XIRP2: variants seen among roughly 807,000 people sequenced by gnomAD.
XIRP2 encodes the protein xin actin binding repeat containing 2.
XIRP2 carries 236 observed loss-of-function variants against 277.0 expected under a neutral mutation model. The ratio of observed to expected loss-of-function variants is 0.85; its 90% confidence interval spans 0.77 to 0.95. The LOEUF is 0.95. Ranked by LOEUF, XIRP2 falls within the 40% of genes least tolerant of loss-of-function variation. The pLI, the probability that XIRP2 is intolerant of heterozygous loss-of-function variation, is 0.00. For missense variants in XIRP2, 4,640 were observed against 4,157.5 expected (o/e 1.12, Z -3.19); for synonymous variants, 1,490 against 1,416.5 (o/e 1.05, Z -1.17).
intron 2 of XIRP2, among the ~76,000 whole-genome samples, chr2:167,089,091 C>A (rs949880638): frequency 4.6e-5 from 7 of 152,230 alleles, no homozygotes; most frequent in Non-Finnish European, 8.8e-5. Flanking sequence ...ACTTAGTACA[C>A]CAGCAGTGTA....
chr2:167,080,070 A>G (rs1689688536), intron 2 of XIRP2, among the ~76,000 whole-genome samples: 1 of 152,126 alleles, frequency 6.6e-6, no homozygotes, highest in East Asian at 1.9e-4. Flanking sequence ...CAAAAAAAAG[A>G]GGCCAGTTAG....
intron 2 of XIRP2, among the ~76,000 whole-genome samples, chr2:166,937,898 A>G (rs188494578): frequency 5.6e-4 from 86 of 152,306 alleles, no homozygotes; most frequent in Middle Eastern, 3.4e-3. Flanking sequence ...TGTTTATAGT[A>G]TTCTCTGATG....
intron 2 of XIRP2, among the ~76,000 whole-genome samples, chr2:167,036,210 G>A (rs1350568296): frequency 6.6e-6 from 1 of 152,192 alleles, no homozygotes; most frequent in African/African-American, 2.4e-5. Flanking sequence ...TGTGAGAAGA[G>A]GGACACTGTC....
chr2:167,210,627 T>A (rs1305991601), intron 3 of XIRP2, 108 bp from the exon 4 acceptor site: 5 of 1,379,102 alleles, frequency 3.6e-6, no homozygotes, highest in Non-Finnish European at 5.0e-6. Flanking sequence ...AATGCTACAG[T>A]CCATTTTACG....
intron 2 of XIRP2, among the ~76,000 whole-genome samples, chr2:166,949,603 T>A (rs1685974489): frequency 6.6e-6 from 1 of 152,100 alleles, no homozygotes; most frequent in Non-Finnish European, 1.5e-5. Flanking sequence ...TGCTCAATGC[T>A]CTTTTTATGA....
intron 10 of XIRP2, among the ~76,000 whole-genome samples, chr2:167,255,706 C>G (rs1695637032): frequency 6.6e-6 from 1 of 151,792 alleles, no homozygotes; most frequent in African/African-American, 2.4e-5. Flanking sequence ...TCTTAGTTTT[C>G]AGGTTGCAAG....
At chr2:166,946,425 G>T (rs1415153133) in intron 2 of XIRP2, among the ~76,000 whole-genome samples, 1 of 152,022 alleles carries the variant, frequency 6.6e-6, no homozygotes, top group Non-Finnish European at 1.5e-5. Flanking sequence ...TTATTTCAAT[G>T]ATTTATTTTG....
intron 3 of XIRP2, among the ~76,000 whole-genome samples, chr2:167,162,017 C>T (rs896599365): frequency 6.6e-6 from 1 of 152,154 alleles, no homozygotes; most frequent in African/African-American, 2.4e-5. Flanking sequence ...GGGCAAAATG[C>T]TCCAGTCTCT....
Position 167,245,371 on chromosome 2 carries a change from C to G in XIRP2, c.3979C>G (p.Arg1327Gly). 6.2e-7 allele frequency: 1 copy of G among 1,613,454 alleles called. No individual in the cohort carries two copies. The highest frequency in any genetic ancestry group is 2.2e-5 in the East Asian group (1 of 44,814). ...CCAGCCACTCTATGCAATTCAAGAC[C>G]GAGAAGGGTCCTATCATGAAGTGAC... ...ETQPLYAIQDREGSYHEVTTV... is the reference protein window; with the variant it reads ...ETQPLYAIQDGEGSYHEVTTV... Residue 1327 changes from arginine to glycine, a missense_variant, in exon 9 of 11, where the codon CGA (arginine) becomes GGA (glycine). Arg to Gly is a moderately radical substitution (Grantham distance 125). Coordinates refer to ENST00000409195, the MANE Select transcript of XIRP2 (RefSeq NM_152381.6).
chr2:167,160,421 T>C (rs1324749382), intron 3 of XIRP2, among the ~76,000 whole-genome samples: 3 of 152,150 alleles, frequency 2.0e-5, no homozygotes, highest in Non-Finnish European at 2.9e-5. Context: ...GTGCTGCTAA[T>C]AAAGACATAC....
intron 5 of XIRP2, among the ~76,000 whole-genome samples, chr2:167,238,484 G>C (rs771879332): frequency 6.6e-6 from 1 of 151,966 alleles, no homozygotes; most frequent in East Asian, 1.9e-4. Context: ...ACTGCTCCTT[G>C]GTTGATGAGA....
At chr2:167,196,412 T>TGTG (rs1553498347) in intron 3 of XIRP2, among the ~76,000 whole-genome samples, 18 of 141,810 alleles carry the variant, frequency 1.3e-4, no homozygotes, top group Admixed American at 2.9e-4. Flanking sequence ...GTCAAGAATT[T>TGTG]TGTGTGTGTG....
chr2:166,988,017 G>A (rs754260759), intron 2 of XIRP2, among the ~76,000 whole-genome samples: 3 of 152,096 alleles, frequency 2.0e-5, no homozygotes, highest in Non-Finnish European at 2.9e-5. Context: ...AGAGCAATTG[G>A]GGCAGAAAAG....
intron 2 of XIRP2, among the ~76,000 whole-genome samples, chr2:167,075,281 G>A (rs1156943153): frequency 6.6e-6 from 1 of 152,106 alleles, no homozygotes; most frequent in Admixed American, 6.5e-5. Context: ...AAGAAGAAAG[G>A]GAGAGAGGAA....
intron 2 of XIRP2, among the ~76,000 whole-genome samples, chr2:166,935,609 G>A (rs1483686058): frequency 6.6e-6 from 1 of 152,048 alleles, no homozygotes. Context: ...TCCCCTTCCT[G>A]TGTCCATGTG....
At position 167,190,133 on chromosome 2, in the gene XIRP2, G is replaced by A. The variant is rs369378520; in HGVS notation, c.563-20602G>A. Among the ~76,000 whole-genome samples, 17 of 152,266 alleles carry A rather than the reference G, an allele frequency of 1.1e-4. No individual in the cohort carries two copies. In the East Asian group the frequency reaches 1.7e-3, roughly 16 times the overall value. ...CACAGCTTCCTTGCTTTCTTCTAACGAGCTATCCCCAGCACTTGGATGTGT... is the reference window on the plus strand; with the variant it reads ...CACAGCTTCCTTGCTTTCTTCTAACAAGCTATCCCCAGCACTTGGATGTGT... On this transcript the variant is annotated intron_variant, in intron 3 of 10. Coordinates refer to ENST00000409195, the MANE Select transcript of XIRP2 (RefSeq NM_152381.6).
At chr2:167,196,412 TTGTGTGTGTGTGTG>T (rs71031280) in intron 3 of XIRP2, among the ~76,000 whole-genome samples, 4 of 141,808 alleles carry the variant, frequency 2.8e-5, no homozygotes, top group Non-Finnish European at 4.6e-5. Context: ...GTCAAGAATT[TTGTGTGTGTGTGTG>T]TGTGTGTGTG....
At chr2:167,137,574 T>G (rs908476350) in intron 3 of XIRP2, among the ~76,000 whole-genome samples, 1 of 152,234 alleles carries the variant, frequency 6.6e-6, no homozygotes, top group African/African-American at 2.4e-5. Context: ...TCTCCTCATC[T>G]GTGTTTTCTT....
At position 167,087,318 on chromosome 2, in the gene XIRP2, G is replaced by A. The variant is rs1280786312; in HGVS notation, c.409-48591G>A. ...TGCCCGTTCTCAGATCTCCAGCTGC[G>A]TGCTGGGAGAACCACTGCTCTCTTC... On this transcript the variant is annotated intron_variant, in intron 2 of 10. Coordinates refer to ENST00000409195, the MANE Select transcript of XIRP2 (RefSeq NM_152381.6). Among the ~76,000 whole-genome samples the A allele has an allele frequency of 5.9e-5, 9 of 151,670 alleles. No individual in the cohort carries two copies. The East Asian group carries it at 7.8e-4, about 13-fold the overall frequency.
Sources: allele counts gnomAD v4.1 joint callset (sites outside exome capture counted in the v4.1 genomes callset), GRCh38; gene constraint gnomAD v4.1.1; transcripts MANE v1.5; gene names NCBI Gene and HGNC (gene_info 2026-07-23, HGNC 2026-07-21).